Variants in CNBD1 observed in about 807,000 individuals in gnomAD.
CNBD1 encodes the protein cyclic nucleotide binding domain containing 1.
A neutral mutation model predicts 54.4 loss-of-function variants in CNBD1; 71 were observed. The ratio of observed to expected loss-of-function variants is 1.30; its 90% CI spans 1.08 to 1.59. CNBD1 has a LOEUF of 1.59. Among genes scored for constraint, CNBD1 ranks in the 40% most tolerant of loss-of-function variants. The probability of loss-of-function intolerance (pLI) is 0.00; values close to 1 mark genes in which losing one functional copy is unlikely to be tolerated. For synonymous variants in CNBD1, 182 were observed against 170.7 expected (o/e 1.07, Z -0.51); for missense variants, 659 against 518.0 (o/e 1.27, Z -2.64).
At chr8:87,300,346 A>G (rs939206782) in intron 8 of CNBD1, among the ~76,000 whole-genome samples, 6 of 152,142 alleles carry the variant, frequency 3.9e-5, no homozygotes, top group Non-Finnish European at 8.8e-5. Flanking sequence ...ATAAGTATTT[A>G]CAATATATAA....
chr8:87,202,430 G>A (rs1378709760), intron 4 of CNBD1, among the ~76,000 whole-genome samples: 3 of 152,180 alleles, frequency 2.0e-5, no homozygotes, highest in African/African-American at 7.2e-5. Flanking sequence ...AGAACGTGGA[G>A]CAGCAAGTAT....
intron 8 of CNBD1, among the ~76,000 whole-genome samples, chr8:87,309,688 C>CATATAAATCTGTATTTATGTCTAT (rs1809225334): frequency 2.0e-5 from 3 of 152,068 alleles, no homozygotes; most frequent in African/African-American, 7.2e-5. Flanking sequence ...ACTATATCTA[C>CATATAAATCTGTATTTATGTCTAT]ATATAAATCT....
chr8:87,184,501 A>C lies in CNBD1; in HGVS notation c.432-21492A>C, dbSNP rs554220925. Among the ~76,000 whole-genome samples the C allele has an allele frequency of 1.3e-4, 20 of 152,212 alleles. 1 individual carries two copies. The highest frequency in any genetic ancestry group is 4.8e-4 in the African/African-American group (20 of 41,546). ...TCCCACGCCAAACCCTCTGGGCTTC[A>C]TGCAGACTGGAGTTCTATCTTGTCC... On this transcript the variant is annotated intron_variant, in intron 4 of 10. Transcript: ENST00000518476.
At chr8:86,878,768 A>G (rs2131776291) in intron 1 of CNBD1, among the ~76,000 whole-genome samples, 1 of 152,288 alleles carries the variant, frequency 6.6e-6, no homozygotes. Context: ...TTCCTCAAAC[A>G]AGACCAGTAT....
At chr8:87,186,883 C>A (rs2130782419) in intron 4 of CNBD1, among the ~76,000 whole-genome samples, 1 of 152,086 alleles carries the variant, frequency 6.6e-6, no homozygotes, top group East Asian at 1.9e-4. Flanking sequence ...ATACTAACCA[C>A]CTTAGCTGAC....
chr8:87,388,170 A>G (rs1200282371), intron 2 of CNBD1, among the ~76,000 whole-genome samples: 2 of 152,286 alleles, frequency 1.3e-5, no homozygotes, highest in East Asian at 3.9e-4. Flanking sequence ...TAAAATTGAC[A>G]CCCTAACATC....
intron 6 of CNBD1, among the ~76,000 whole-genome samples, chr8:87,269,366 C>A (rs935654156): frequency 1.3e-5 from 2 of 152,032 alleles, no homozygotes; most frequent in Admixed American, 1.3e-4. Flanking sequence ...ATGCCTCCAG[C>A]TTCGTTCTTT....
At chr8:87,324,741 T>C (rs1420123654) in intron 8 of CNBD1, among the ~76,000 whole-genome samples, 1 of 150,218 alleles carries the variant, frequency 6.7e-6, no homozygotes, top group African/African-American at 2.5e-5. Flanking sequence ...TGTTGATCCT[T>C]TCAAAAAACC....
intron 6 of CNBD1, among the ~76,000 whole-genome samples, chr8:87,240,517 T>C (rs1807671935): frequency 6.6e-6 from 1 of 152,186 alleles, no homozygotes; most frequent in African/African-American, 2.4e-5. Context: ...TTTTTGGTCT[T>C]ACAAATTCCA....
At chr8:87,302,202 C>T (rs1202245767) in intron 8 of CNBD1, among the ~76,000 whole-genome samples, 16 of 151,990 alleles carry the variant, frequency 1.1e-4, no homozygotes, top group Middle Eastern at 3.2e-3. Flanking sequence ...GAATTTTAGA[C>T]CAATATCCCT....
intron 8 of CNBD1, among the ~76,000 whole-genome samples, chr8:87,327,445 C>T (rs1397949220): frequency 6.6e-6 from 1 of 152,206 alleles, no homozygotes. Flanking sequence ...GCTGTGCTAG[C>T]AATCAGCGAG....
chr8:86,929,185 G>A (rs1022959508), intron 3 of CNBD1, among the ~76,000 whole-genome samples: 10 of 152,116 alleles, frequency 6.6e-5, no homozygotes, highest in Non-Finnish European at 1.0e-4. Context: ...ACCTCTTTGG[G>A]TTTTTGCACT....
intron 5 of CNBD1, among the ~76,000 whole-genome samples, chr8:87,226,848 TC>T (rs1814510820): frequency 6.6e-6 from 1 of 151,310 alleles, no homozygotes; most frequent in Admixed American, 6.6e-5. Flanking sequence ...GGTGTTAAAG[TC>T]TCCCATTATT....
intron 4 of CNBD1, among the ~76,000 whole-genome samples, chr8:87,096,654 A>G (rs1811326321): frequency 1.3e-5 from 2 of 152,266 alleles, no homozygotes; most frequent in East Asian, 1.9e-4. Context: ...AGAAGAGGAT[A>G]AGGAAAGCAA....
chr8:86,993,251 G>A (rs548190466), intron 4 of CNBD1, among the ~76,000 whole-genome samples: 12 of 149,664 alleles, frequency 8.0e-5, no homozygotes, highest in African/African-American at 2.7e-4. Flanking sequence ...CTATTTTTCT[G>A]TTAATACTGC....
chr8:87,233,416 T>C (rs1202127320), intron 5 of CNBD1, among the ~76,000 whole-genome samples: 3 of 152,224 alleles, frequency 2.0e-5, no homozygotes, highest in African/African-American at 2.4e-5. Context: ...ATAAAACTTA[T>C]GTTTGCATTA....
rs188261856 is a variant in CNBD1, at chr8:87,241,559, A to G, written c.771+4447A>G. Among the ~76,000 whole-genome samples the G allele has an allele frequency of 2.2e-3, 331 of 152,266 alleles. 2 individuals are homozygous for G. Among genetic ancestry groups the G allele is most frequent in the African/African-American group, 7.6e-3 (314 of 41,564 alleles). On this transcript the variant is annotated intron_variant, in intron 6 of 10. Coordinates refer to ENST00000518476, the MANE Select transcript of CNBD1 (RefSeq NM_173538.3). ...AGTGCTGGGATTACAGGCGTGAGCC[A>G]CTGCACCCCGCCCATGGAAGATTTT...
chr8:87,030,051 G>T (rs1199598968), intron 4 of CNBD1, among the ~76,000 whole-genome samples: 1 of 152,128 alleles, frequency 6.6e-6, no homozygotes, highest in Non-Finnish European at 1.5e-5. Flanking sequence ...TAACACATCT[G>T]CTCAGTTTTC....
intron 5 of CNBD1, among the ~76,000 whole-genome samples, chr8:87,226,547 A>C (rs377252755): frequency 7.1e-6 from 1 of 140,428 alleles, no homozygotes; most frequent in Admixed American, 6.9e-5. Context: ...GTAGTTGAGC[A>C]GTTTTGAGTG....
Sources: allele counts gnomAD v4.1 joint callset (sites outside exome capture counted in the v4.1 genomes callset), GRCh38; gene constraint gnomAD v4.1.1; transcripts MANE v1.5; gene names NCBI Gene and HGNC (gene_info 2026-07-23, HGNC 2026-07-21).